FEZ2: variants seen among roughly 807,000 people sequenced by gnomAD.
The protein encoded by FEZ2 is fasciculation and elongation protein zeta-2.
Under a neutral mutation model 40.4 loss-of-function variants are expected in FEZ2, and 51 were observed. That is an observed-to-expected ratio of 1.26 (90% CI 1.01 to 1.59). The LOEUF (loss-of-function observed/expected upper bound fraction) is 1.59. FEZ2 is among the 40% of genes most tolerant of loss of function. The pLI is 0.00. For missense variants in FEZ2, 640 were observed against 438.3 expected, an observed-to-expected ratio of 1.46 and a Z score of -4.11; for synonymous variants, 242 against 172.0, an observed-to-expected ratio of 1.41 and a Z score of -3.18.
At chr2:36,562,534 T>C (rs1017725351) in intron 5 of FEZ2, among the ~76,000 whole-genome samples, 1 of 152,190 alleles carries the variant, frequency 6.6e-6, no homozygotes, top group Non-Finnish European at 1.5e-5. Flanking sequence ...TTTCCCAGAT[T>C]TGCAAGCCAG....
In FEZ2 at chr2:36,581,307, G is replaced by A. The variant is rs1444531099; in HGVS notation, c.617C>T (p.Thr206Ile). Reference sequence around the variant, plus strand: ...TCCCTTACTCTCTTCATAACTGCCGGTACTAGACCTCTTGAGAGTTTGAAT... The same window carrying A: ...TCCCTTACTCTCTTCATAACTGCCGATACTAGACCTCTTGAGAGTTTGAAT... ...QEIQTLKRSS[T>I]GSYEERVKRL... Residue 206 changes from threonine (T) to isoleucine (I), a missense_variant, in exon 4 of 8, where the codon ACC becomes ATC. Transcript: ENST00000405912. 4 of 1,613,788 alleles carry A rather than the reference G, an allele frequency of 2.5e-6. No homozygotes were observed. Among genetic ancestry groups the A allele is most frequent in the Non-Finnish European group, 3.4e-6 (4 of 1,179,750 alleles).
intron 5 of FEZ2, among the ~76,000 whole-genome samples, chr2:36,562,832 A>G (rs2160403): frequency 0.32 from 49,064 of 152,118 alleles, 8,190 homozygotes; most frequent in Middle Eastern, 0.51. Context: ...TTCATAAAAT[A>G]TATTTTCTTT....
At chr2:36,597,011 A>G (rs1012546179) in intron 1 of FEZ2, among the ~76,000 whole-genome samples, 4 of 151,940 alleles carry the variant, frequency 2.6e-5, no homozygotes, top group African/African-American at 9.7e-5. Flanking sequence ...ACCTCCTATC[A>G]TTGCTCTTAG....
Position 36,597,940 on chromosome 2 carries a change from C to A in FEZ2, c.203G>T (p.Gly68Val), listed in dbSNP as rs1234981364. 13 of 1,448,052 alleles carry A rather than the reference C, an allele frequency of 9.0e-6. No homozygotes were observed. Among genetic ancestry groups the A allele is most frequent in the Middle Eastern group, 2.4e-4 (1 of 4,192 alleles). The allele number at this position is 1,448,052 out of a possible 1,614,324, so 89.7% of individuals were successfully genotyped here. A position where few individuals can be genotyped will look rare whatever the true frequency, so the allele number is the denominator to read the frequency against. ...LSLCFRPSDP[G>V]AEPPRTAVRP... Reference sequence around the variant, plus strand: ...CACGGCCGTCCTCGGGGGCTCGGCGCCCGGATCCGAGGGGCGGAAGCACAG... The same window carrying A: ...CACGGCCGTCCTCGGGGGCTCGGCGACCGGATCCGAGGGGCGGAAGCACAG... The change falls in exon 1 of 8, where the codon GGC becomes GTC. Residue 68 changes from glycine (G) to valine (V), a missense_variant. By Grantham distance (109) the Gly-to-Val change is moderately radical. Coordinates refer to ENST00000405912, the MANE Select transcript of FEZ2 (RefSeq NM_005102.3).
chr2:36,565,394 C>T (rs1484112966), intron 5 of FEZ2, among the ~76,000 whole-genome samples: 5 of 152,220 alleles, frequency 3.3e-5, no homozygotes, highest in Admixed American at 2.6e-4. Context: ...CTCAGAATGT[C>T]GTACGACGCC....
chr2:36,585,921 G>T (rs1350866208), intron 2 of FEZ2, among the ~76,000 whole-genome samples: 1 of 152,180 alleles, frequency 6.6e-6, no homozygotes, highest in Non-Finnish European at 1.5e-5. Flanking sequence ...GCATGAGCAT[G>T]TTATCTGCTA....
At chr2:36,585,034 A>G (rs34392255) in intron 2 of FEZ2, among the ~76,000 whole-genome samples, 61,880 of 151,936 alleles carry the variant, frequency 0.41, 12,987 homozygotes, top group East Asian at 0.63. Context: ...CCTGGCCATG[A>G]CCTTCAACAC....
chr2:36,559,803 T>C (rs954544590), intron 5 of FEZ2, among the ~76,000 whole-genome samples: 2 of 152,334 alleles, frequency 1.3e-5, no homozygotes, highest in Middle Eastern at 3.4e-3. Context: ...GAAGATTCCT[T>C]GTCTTCTTTT....
Position 36,578,681 on chromosome 2 carries a change from G to A in FEZ2, c.819C>T (p.His273=). 2 of 1,613,486 alleles carry A rather than the reference G, an allele frequency of 1.2e-6. No homozygotes were observed. The highest frequency in any genetic ancestry group is 8.5e-7 in the Non-Finnish European group (1 of 1,179,778). ...LIEVQNKQKE[H]KETAKKKKKL... Reference sequence around the variant, plus strand: ...TCTTTTTCTTTTTTGCTGTTTCTTTGTGCTCTTTCTGTTTGTTTTGCACTT... The same window carrying A: ...TCTTTTTCTTTTTTGCTGTTTCTTTATGCTCTTTCTGTTTGTTTTGCACTT... The change falls in exon 5 of 8, where the codon CAC becomes CAT. Residue 273 remains histidine, a synonymous_variant. Coordinates refer to ENST00000405912, the MANE Select transcript of FEZ2 (RefSeq NM_005102.3).
intron 5 of FEZ2, among the ~76,000 whole-genome samples, chr2:36,570,967 TA>T (rs1409219555): frequency 6.6e-6 from 1 of 152,162 alleles, no homozygotes; most frequent in East Asian, 1.9e-4. Context: ...ATGACCTCTC[TA>T]ACACATAAAG....
chr2:36,553,715 C>T (rs1039330709), intron 7 of FEZ2, among the ~76,000 whole-genome samples: 2 of 152,148 alleles, frequency 1.3e-5, no homozygotes, highest in African/African-American at 2.4e-5. Flanking sequence ...AATGAGACCA[C>T]TTTTCTACCT....
chr2:36,571,109 G>T (rs1668396906), intron 5 of FEZ2, among the ~76,000 whole-genome samples: 1 of 152,012 alleles, frequency 6.6e-6, no homozygotes, highest in Non-Finnish European at 1.5e-5. Context: ...GAAAACTGAT[G>T]ATGACATATA....
At chr2:36,592,644 C>CAA (rs34717975) in intron 1 of FEZ2, among the ~76,000 whole-genome samples, 1,080 of 74,374 alleles carry the variant, frequency 0.015, 16 homozygotes, top group East Asian at 0.045. Flanking sequence ...CACATCTCTA[C>CAA]AAAAAAAAAA....
chr2:36,578,469 G>T, intron 5 of FEZ2, 128 bp downstream of exon 5: 1 of 981,334 alleles, frequency 1.0e-6, no homozygotes, highest in Non-Finnish European at 1.5e-6. Flanking sequence ...AATCCCACTG[G>T]GCTCTGATTA....
At chr2:36,575,874 G>C (rs17019115) in intron 5 of FEZ2, among the ~76,000 whole-genome samples, 6,647 of 151,888 alleles carry the variant, frequency 0.044, 640 homozygotes, top group East Asian at 0.43. Flanking sequence ...TTGATGTACT[G>C]CTTCAGTGAA....
intron 6 of FEZ2, chr2:36,556,094 G>A (rs534856780): frequency 4.2e-6 from 2 of 481,714 alleles, no homozygotes; most frequent in African/African-American, 4.0e-5. Flanking sequence ...TTACTATAAT[G>A]TGCACCTCAA....
chr2:36,570,922 A>G (rs553955197), intron 5 of FEZ2, among the ~76,000 whole-genome samples: 1 of 152,214 alleles, frequency 6.6e-6, no homozygotes, highest in African/African-American at 2.4e-5. Flanking sequence ...TTCCTGGCAC[A>G]TTACAGCTTT....
At chr2:36,565,965 G>A (rs1230408263) in intron 5 of FEZ2, among the ~76,000 whole-genome samples, 1 of 152,112 alleles carries the variant, frequency 6.6e-6, no homozygotes, top group Non-Finnish European at 1.5e-5. Flanking sequence ...GCCTGGTTGA[G>A]AATCACCGCA....
chr2:36,569,240 T>C (rs1325610269), intron 5 of FEZ2, among the ~76,000 whole-genome samples: 2 of 152,222 alleles, frequency 1.3e-5, no homozygotes, highest in African/African-American at 2.4e-5. Context: ...GTATTGGCTA[T>C]AATTCCTAAA....
Sources: allele counts gnomAD v4.1 joint callset (sites outside exome capture counted in the v4.1 genomes callset), GRCh38; gene constraint gnomAD v4.1.1; transcripts MANE v1.5; gene names NCBI Gene and HGNC (gene_info 2026-07-23, HGNC 2026-07-21).